Variants in CPT1A observed in about 807,000 individuals in gnomAD.
CPT1A encodes carnitine palmitoyltransferase 1A.
A neutral mutation model predicts 100.8 loss-of-function variants in CPT1A; 64 were observed. The observed-to-expected ratio is 0.63, with a 90% CI of 0.52 to 0.78. The LOEUF is 0.78. Among genes scored for constraint, CPT1A ranks in the 30% least tolerant of loss-of-function variants. CPT1A has a pLI of 0.00. For synonymous variants in CPT1A, 363 were observed against 396.0 expected (o/e 0.92, Z 0.99); for missense variants, 802 against 1,034.1 (o/e 0.78, Z 3.08).
chr11:68,826,214 G>A (rs905421869), intron 1 of CPT1A, among the ~76,000 whole-genome samples: 6 of 152,152 alleles, frequency 3.9e-5, no homozygotes, highest in Non-Finnish European at 8.8e-5. Flanking sequence ...GGGAGGCCAA[G>A]GTGGGAGGAT....
chr11:68,761,636 T>C lies in CPT1A; in HGVS notation c.1927A>G (p.Met643Val), dbSNP rs375814998. ...FKLASEKHQH[M>V]YRLAMTGSGI... Reference sequence around the variant, plus strand: ...GAGCCGGTCATGGCGAGGCGATACATATGCTGATGCTTCTCAGACGCCAAC... The same window carrying C: ...GAGCCGGTCATGGCGAGGCGATACACATGCTGATGCTTCTCAGACGCCAAC... The change falls in exon 16 of 19, where the codon ATG becomes GTG. Residue 643 changes from methionine to valine, a missense_variant. Coordinates refer to ENST00000265641, the MANE Select transcript of CPT1A (RefSeq NM_001876.4). 25 of 1,614,020 alleles carry C rather than the reference T, an allele frequency of 1.5e-5. No individual in the cohort carries two copies. The highest frequency in any genetic ancestry group is 2.7e-5 in the African/African-American group (2 of 74,908).
intron 3 of CPT1A, 131 bp downstream of exon 3, chr11:68,812,306 G>A: frequency 1.5e-6 from 2 of 1,308,092 alleles, no homozygotes; most frequent in Non-Finnish European, 1.1e-6. Flanking sequence ...GAAGAAAGCT[G>A]ACGTGAGAAC....
At chr11:68,774,031 C>G (rs1594327696) in intron 13 of CPT1A, 1 of 160,560 alleles carries the variant, frequency 6.2e-6, no homozygotes, top group East Asian at 1.8e-4. Context: ...CAGCCCACAA[C>G]AAGGGAGGAA....
At chr11:68,802,242 C>T (rs6591353) in intron 5 of CPT1A, among the ~76,000 whole-genome samples, 3,557 of 151,810 alleles carry the variant, frequency 0.023, 142 homozygotes, top group African/African-American at 0.082. Context: ...CTGAACTGTA[C>T]ACTTGAAAAT....
intron 2 of CPT1A, among the ~76,000 whole-genome samples, chr11:68,814,407 T>C (rs1003490652): frequency 4.0e-5 from 6 of 151,070 alleles, no homozygotes; most frequent in Admixed American, 2.0e-4. Flanking sequence ...CCCGGGTTCG[T>C]GCCATTCTCC....
chr11:68,777,837 T>C, intron 12 of CPT1A, among the ~76,000 whole-genome samples: 1 of 152,184 alleles, frequency 6.6e-6, no homozygotes, highest in East Asian at 1.9e-4. Flanking sequence ...GTCCTTGGCC[T>C]GGGGTATAAC....
intron 9 of CPT1A, among the ~76,000 whole-genome samples, chr11:68,786,910 A>G (rs945041076): frequency 5.3e-5 from 8 of 152,218 alleles, no homozygotes; most frequent in Admixed American, 3.3e-4. Flanking sequence ...CCTACCAGAA[A>G]CTTGGACCAA....
intron 3 of CPT1A, among the ~76,000 whole-genome samples, chr11:68,808,335 TG>T (rs1462857708): frequency 6.6e-6 from 1 of 151,846 alleles, no homozygotes. Context: ...GTATATATTA[TG>T]GTAAAGATGG....
rs1277240512 is a variant in CPT1A at position 68,755,520 on chromosome 11, C to T, written c.*2124G>A. On this transcript the variant is annotated 3_prime_UTR_variant, in exon 19 of 19. Coordinates refer to ENST00000265641, the MANE Select transcript of CPT1A (RefSeq NM_001876.4). ...CGCCTCCCGGGTTCACGCCATTCTC[C>T]TGCCTCAGCCTCCTGAGTAGCTGGG... 6.6e-6 allele frequency: 1 copy of T among 152,226 alleles called. No individual in the cohort carries two copies. Among genetic ancestry groups the T allele is most frequent in the Admixed American group, 6.5e-5 (1 of 15,280 alleles). 9.4% of individuals were successfully genotyped at this position (152,226 alleles called of 1,614,324 possible). A position where few individuals can be genotyped will look rare whatever the true frequency, so the allele number is the denominator to read the frequency against.
rs971594555 is a variant in CPT1A at position 68,841,667 on chromosome 11, C to T, written c.-14+108G>A. 5 of 576,760 alleles carry T rather than the reference C, an allele frequency of 8.7e-6. No homozygotes were observed. The highest frequency in any genetic ancestry group is 8.1e-5 in the African/African-American group (4 of 49,182). 35.7% of individuals were successfully genotyped at this position (576,760 alleles called of 1,614,324 possible). On this transcript the variant is annotated intron_variant, in intron 1 of 18. Transcript: ENST00000265641. This position sits in a 1 kb window ranked among gnomAD's most constrained non-coding sequence, Gnocchi z 6.3. ...CTCGGCGCCCCGGTTCCGGCGGCGT[C>T]CCCCACCCGGTCCGGTTCCCGGCAG... is the stretch of plus-strand genomic sequence containing the variant.
Position 68,761,600 on chromosome 11 carries a change from G to A in CPT1A, c.1963C>T (p.Arg655Cys), listed in dbSNP as rs763042338. The A allele has an allele frequency of 3.7e-6, 6 of 1,613,914 alleles. No individual in the cohort carries two copies. Among genetic ancestry groups the A allele is most frequent in the African/African-American group, 2.7e-5 (2 of 74,866 alleles). Residue 655 changes from arginine to cysteine, a missense_variant, in exon 16 of 19, where the codon CGT becomes TGT. Transcript: ENST00000265641. ...RLAMTGSGIDRHLFCLYVVSK... is the reference protein window; with the variant it reads ...RLAMTGSGIDCHLFCLYVVSK... ...ACCACGTAAAGGCAGAAGAGGTGACGATCGATCCCAGAGCCGGTCATGGCG... is the reference window on the plus strand; with the variant it reads ...ACCACGTAAAGGCAGAAGAGGTGACAATCGATCCCAGAGCCGGTCATGGCG...
chr11:68,834,106 C>T (rs959702072), intron 1 of CPT1A, among the ~76,000 whole-genome samples: 2 of 152,208 alleles, frequency 1.3e-5, no homozygotes, highest in Admixed American at 1.3e-4. Flanking sequence ...GGACTATTCA[C>T]ATTTATGGGG....
intron 1 of CPT1A, among the ~76,000 whole-genome samples, chr11:68,815,725 C>T (rs969969148): frequency 2.0e-5 from 3 of 152,140 alleles, no homozygotes; most frequent in Admixed American, 2.0e-4. Flanking sequence ...AGGAGTCAGG[C>T]CCGTGGTACC....
At chr11:68,807,444 C>A (rs781507035) in intron 4 of CPT1A, 23 bp downstream of exon 4, 17 of 1,610,638 alleles carry the variant, frequency 1.1e-5, no homozygotes, top group Non-Finnish European at 1.4e-5. Flanking sequence ...ACCCCCTCCA[C>A]AGCCAGAGGG....
chr11:68,784,903 T>G lies in CPT1A; in HGVS notation c.1075A>C (p.Met359Leu). 6.2e-7 allele frequency: 1 copy of G among 1,614,040 alleles called. No homozygotes were observed. Among genetic ancestry groups the G allele is most frequent in the Non-Finnish European group, 8.5e-7 (1 of 1,180,022 alleles). ...HDGRLLKPRE[M>L]EQQMQRILDN... Reference sequence around the variant, plus strand: ...AGGATCCTCTGCATCTGCTGCTCCATCTCCCGGGGCTTCAGCAGCCGCCCA... The same window carrying G: ...AGGATCCTCTGCATCTGCTGCTCCAGCTCCCGGGGCTTCAGCAGCCGCCCA... Residue 359 changes from methionine to leucine, a missense_variant, in exon 10 of 19, where the codon ATG becomes CTG. Met to Leu is a conservative substitution (Grantham distance 15). This residue lies in a region of CPT1A where 627 missense variants were observed against 799.3 expected (regional missense o/e 0.78). Transcript: ENST00000265641.
intron 13 of CPT1A, among the ~76,000 whole-genome samples, chr11:68,775,078 C>T (rs937753342): frequency 1.3e-5 from 2 of 152,106 alleles, no homozygotes; most frequent in Non-Finnish European, 2.9e-5. Flanking sequence ...ATAGCGCTGA[C>T]AGTCTTAGCC....
intron 14 of CPT1A, among the ~76,000 whole-genome samples, chr11:68,764,585 G>A (rs994969762): frequency 5.3e-5 from 8 of 152,094 alleles, no homozygotes; most frequent in Admixed American, 5.2e-4. Context: ...GTCAGACAGA[G>A]CACAGGACCC....
upstream of CPT1A, among the ~76,000 whole-genome samples, chr11:68,843,763 G>C (rs1226955133): frequency 2.6e-5 from 4 of 152,372 alleles, no homozygotes; most frequent in African/African-American, 9.6e-5. This position sits in a 1 kb window ranked among gnomAD's most constrained non-coding sequence, Gnocchi z 4.0. Flanking sequence ...CAAGAGGCCA[G>C]TGGGCTGGGC....
intron 2 of CPT1A, among the ~76,000 whole-genome samples, chr11:68,814,094 G>T (rs967168248): frequency 2.7e-5 from 4 of 150,932 alleles, no homozygotes; most frequent in African/African-American, 9.7e-5. Context: ...GGGGGTCAGC[G>T]GGGGGGGATT....
Sources: allele counts gnomAD v4.1 joint callset (sites outside exome capture counted in the v4.1 genomes callset), GRCh38; gene constraint gnomAD v4.1.1; regional missense constraint gnomAD v4.1.1; non-coding constraint Gnocchi (gnomAD v3.1); transcripts MANE v1.5; gene names NCBI Gene and HGNC (gene_info 2026-07-23, HGNC 2026-07-21).